JAK2: variants seen among roughly 807,000 people sequenced by gnomAD.
JAK2 encodes the protein Janus kinase 2, also known as tyrosine-protein kinase JAK2.
Under a neutral mutation model 139.3 loss-of-function variants are expected in JAK2, and 86 were observed. The observed-to-expected ratio is 0.62, with a 90% CI of 0.52 to 0.74. The LOEUF (loss-of-function observed/expected upper bound fraction) is 0.74, where lower values mean the gene tolerates loss of function less well. Among genes scored for constraint, JAK2 ranks in the 30% least tolerant of loss-of-function variants. The pLI is 0.00. For missense variants in JAK2, 1,421 were observed against 1,360.3 expected (o/e 1.04, Z -0.70); for synonymous variants, 490 against 437.7 (o/e 1.12, Z -1.49).
Position 5,077,537 on chromosome 9 carries a change from A to C in JAK2, c.1949A>C (p.Lys650Thr). The change falls in exon 15 of 25, where the codon AAA (lysine) becomes ACA (threonine). Residue 650 changes from lysine (K) to threonine (T), a missense_variant. Coordinates refer to ENST00000381652, the MANE Select transcript of JAK2 (RefSeq NM_004972.4). ...KNKNCINILWKLEVAKQLAWA... is the reference protein window; with the variant it reads ...KNKNCINILWTLEVAKQLAWA... ...AAAAATTGTATAAATATATTATGGA[A>C]ACTTGAAGTTGCTAAACAGTTGGCA... The C allele has an allele frequency of 2.0e-6, 3 of 1,492,120 alleles. No homozygotes were observed. The highest frequency in any genetic ancestry group is 2.7e-6 in the Non-Finnish European group (3 of 1,119,724). The allele number at this position is 1,492,120 out of a possible 1,614,324, so 92.4% of individuals were successfully genotyped here.
intron 19 of JAK2, among the ~76,000 whole-genome samples, chr9:5,087,473 C>CGCTGGT (rs1820220303): frequency 1.7e-5 from 2 of 118,102 alleles, no homozygotes; most frequent in South Asian, 5.0e-4. Flanking sequence ...CAAACCATAT[C>CGCTGGT]ACTCCCTTAC....
At chr9:5,081,643 T>G (rs1292541078) in intron 18 of JAK2, 82 bp from the exon 19 acceptor site, 2 of 914,080 alleles carry the variant, frequency 2.2e-6, no homozygotes, top group East Asian at 2.4e-5. Context: ...CACGATTATT[T>G]TGGTCAACTT....
chr9:5,031,900 A>G (rs76092403), intron 4 of JAK2, among the ~76,000 whole-genome samples: 2 of 152,186 alleles, frequency 1.3e-5, no homozygotes, highest in Non-Finnish European at 2.9e-5. Context: ...TGGGGAGTGT[A>G]GGAAAGTGAG....
In JAK2 at chr9:5,089,864, G is replaced by A. The variant is rs2130676115; in HGVS notation, c.2761+1G>A. The A allele has an allele frequency of 1.4e-6, 2 of 1,467,418 alleles. No homozygotes were observed. The highest frequency in any genetic ancestry group is 9.0e-7 in the Non-Finnish European group (1 of 1,110,536). The allele number at this position is 1,467,418 out of a possible 1,614,324, so 90.9% of individuals were successfully genotyped here. A position where few individuals can be genotyped will look rare whatever the true frequency, so the allele number is the denominator to read the frequency against. ...TACAAGGGAGTGTGCTACAGTGCTG[G>A]TAAGCTGCCCATTGAAACCTATTTT... is the stretch of plus-strand genomic sequence containing the variant. On this transcript the variant is annotated splice_donor_variant, in intron 20 of 24. Coordinates refer to ENST00000381652, the MANE Select transcript of JAK2 (RefSeq NM_004972.4). LOFTEE classifies it high-confidence loss of function.
At chr9:5,076,668 G>T (rs1409653877) in intron 14 of JAK2, among the ~76,000 whole-genome samples, 1 of 151,972 alleles carries the variant, frequency 6.6e-6, no homozygotes, top group African/African-American at 2.4e-5. Flanking sequence ...TAATATCTTC[G>T]AGGTATGCCT....
In JAK2 at chr9:5,126,831, G is replaced by T; in HGVS notation, c.*40G>T. The T allele has an allele frequency of 7.8e-7, 1 of 1,279,388 alleles. No homozygotes were observed. Among genetic ancestry groups the T allele is most frequent in the Non-Finnish European group, 1.1e-6 (1 of 888,306 alleles). 79.3% of individuals were successfully genotyped at this position (1,279,388 alleles called of 1,614,324 possible). On this transcript the variant is annotated 3_prime_UTR_variant, in exon 25 of 25. Transcript: ENST00000381652. ...ATTCTGAGACCAAAGTAGATTTACA[G>T]AACAAAGTTTTATATTTCACATTGC...
intron 2 of JAK2, among the ~76,000 whole-genome samples, chr9:5,013,308 AG>A (rs1821822522): frequency 6.6e-6 from 1 of 152,246 alleles, no homozygotes; most frequent in Non-Finnish European, 1.5e-5. Context: ...AAAGTAGTAT[AG>A]GAATAATTGT....
chr9:5,107,037 A>G (rs1237719722), intron 22 of JAK2, among the ~76,000 whole-genome samples: 2 of 152,200 alleles, frequency 1.3e-5, no homozygotes, highest in South Asian at 2.1e-4. Flanking sequence ...TAATAAAAAT[A>G]TATATACATC....
rs190225443 is a variant in JAK2 at position 5,106,240 on chromosome 9, T to A, written c.3059+15329T>A. 2.7e-3 allele frequency among the ~76,000 whole-genome samples: 411 copies of A among 152,286 alleles called. 1 individual carries two copies. The highest frequency in any genetic ancestry group is 9.4e-3 in the African/African-American group (389 of 41,544). On this transcript the variant is annotated intron_variant, in intron 22 of 24. Coordinates refer to ENST00000381652, the MANE Select transcript of JAK2 (RefSeq NM_004972.4). Reference sequence around the variant, plus strand: ...ACCCCATCAAAAAGTGGGCAAAGGATATGAACAGACACTTCTCAAAAGAAG... The same window carrying A: ...ACCCCATCAAAAAGTGGGCAAAGGAAATGAACAGACACTTCTCAAAAGAAG...
chr9:4,994,329 C>G (rs919843291), intron 2 of JAK2, among the ~76,000 whole-genome samples: 24 of 152,160 alleles, frequency 1.6e-4, no homozygotes, highest in African/African-American at 4.3e-4. Flanking sequence ...AGAACTGTTT[C>G]CTAACCCACT....
intron 22 of JAK2, among the ~76,000 whole-genome samples, chr9:5,116,012 C>T (rs1185897706): frequency 6.6e-6 from 1 of 151,928 alleles, no homozygotes; most frequent in Non-Finnish European, 1.5e-5. Flanking sequence ...CCTACGTTAA[C>T]AAACCTGCAC....
At chr9:4,995,648 A>G (rs2129769480) in intron 2 of JAK2, among the ~76,000 whole-genome samples, 1 of 152,262 alleles carries the variant, frequency 6.6e-6, no homozygotes, top group African/African-American at 2.4e-5. Context: ...GAACATTTCT[A>G]TTTATTTGTT....
chr9:5,006,963 C>G (rs1020694551), intron 2 of JAK2, among the ~76,000 whole-genome samples: 2 of 152,136 alleles, frequency 1.3e-5, no homozygotes, highest in African/African-American at 4.8e-5. Context: ...ATTGTAAGCT[C>G]TGGTAATAAT....
chr9:5,087,180 A>G (rs1010939839), intron 19 of JAK2, among the ~76,000 whole-genome samples: 2 of 152,212 alleles, frequency 1.3e-5, no homozygotes, highest in African/African-American at 4.8e-5. Context: ...TTTATAAAGG[A>G]AAGAGGTTTA....
At chr9:5,036,795 A>G (rs1030735556) in intron 4 of JAK2, among the ~76,000 whole-genome samples, 18 of 152,016 alleles carry the variant, frequency 1.2e-4, no homozygotes, top group Admixed American at 7.2e-4. Context: ...TCAGGACATA[A>G]GCATGGGCAA....
At chr9:5,068,971 T>C in intron 10 of JAK2, 51 bp from the exon 11 acceptor site, 1 of 1,011,140 alleles carries the variant, frequency 9.9e-7, no homozygotes, top group Non-Finnish European at 1.5e-6. Context: ...ATAATCACTG[T>C]GATGTCCATT....
At chr9:5,047,089 A>G (rs76854514) in intron 5 of JAK2, among the ~76,000 whole-genome samples, 6,523 of 152,180 alleles carry the variant, frequency 0.043, 404 homozygotes, top group African/African-American at 0.13. Flanking sequence ...TTATGTCTAG[A>G]TAGTACCACA....
intron 4 of JAK2, chr9:5,041,825 G>A: frequency 2.1e-6 from 1 of 482,224 alleles, no homozygotes; most frequent in Non-Finnish European, 4.1e-6. Context: ...ACCAGGCGCT[G>A]AACTCCACCA....
chr9:5,033,993 C>T (rs916406788), intron 4 of JAK2, among the ~76,000 whole-genome samples: 1 of 152,128 alleles, frequency 6.6e-6, no homozygotes, highest in African/African-American at 2.4e-5. Context: ...ATTCAGGAAA[C>T]CCATCTCACG....
Sources: gnomAD v4.1 joint callset for allele counts (sites outside exome capture counted in the v4.1 genomes callset) on GRCh38, gnomAD v4.1.1 for gene constraint, MANE v1.5 for transcripts, NCBI Gene and HGNC (gene_info 2026-07-23, HGNC 2026-07-21) for gene names.